The following KLKB1 variants were observed in gnomAD, a reference collection of about 807,000 sequenced individuals.
The protein encoded by KLKB1 is plasma kallikrein.
Under a neutral mutation model 73.6 loss-of-function variants are expected in KLKB1, and 58 were observed. The ratio of observed to expected loss-of-function variants is 0.79; its 90% confidence interval spans 0.64 to 0.98. The LOEUF (loss-of-function observed/expected upper bound fraction) is 0.98, where lower values mean the gene tolerates loss of function less well. KLKB1 is among the 50% of genes least tolerant of loss of function. The probability of loss-of-function intolerance (pLI) is 0.00; values close to 1 mark genes in which losing one functional copy is unlikely to be tolerated. For missense variants in KLKB1, 737 were observed against 763.8 expected (o/e 0.96, Z 0.41); for synonymous variants, 280 against 258.1 (o/e 1.08, Z -0.81).
intron 2 of KLKB1, among the ~76,000 whole-genome samples, chr4:186,231,242 T>C (rs1451309395): frequency 6.6e-6 from 1 of 152,252 alleles, no homozygotes; most frequent in Non-Finnish European, 1.5e-5. Flanking sequence ...GGAATAGCCA[T>C]GGTTAATGGT....
rs148923564 is a variant in KLKB1, at chr4:186,253,189, A to G, written c.1313+1004A>G. On this transcript the variant is annotated intron_variant, in intron 11 of 14. Transcript: ENST00000264690. ...TCAAAAAATGTAAACTGTGATTTCTATATTCAATAAGAAATGTAGAAATGG... is the reference window on the plus strand; with the variant it reads ...TCAAAAAATGTAAACTGTGATTTCTGTATTCAATAAGAAATGTAGAAATGG... 1.8e-3 allele frequency among the ~76,000 whole-genome samples: 278 copies of G among 152,384 alleles called. 1 individual carries two copies. The East Asian group carries it at 0.025, about 14-fold the overall frequency.
At chr4:186,254,486 G>A in intron 11 of KLKB1, 102 bp from the exon 12 acceptor site, 1 of 988,420 alleles carries the variant, frequency 1.0e-6, no homozygotes, top group Non-Finnish European at 1.6e-6. Context: ...TGTGTCCTAT[G>A]TATTTCCTTC....
At chr4:186,242,951 A>G (rs28881297) in intron 6 of KLKB1, among the ~76,000 whole-genome samples, 11,104 of 90,284 alleles carry the variant, frequency 0.12, 1,378 homozygotes, top group Non-Finnish European at 0.15. Context: ...ATAGAGATGG[A>G]AAGGCCAAAC....
In KLKB1 at chr4:186,238,479, C is replaced by T. The variant is rs1028984913; in HGVS notation, c.598+114C>T. The T allele has an allele frequency of 9.5e-5, 74 of 781,056 alleles. No homozygotes were observed. The Middle Eastern group carries it at 1.7e-3, about 18-fold the overall frequency. 48.4% of individuals were successfully genotyped at this position (781,056 alleles called of 1,614,324 possible). On this transcript the variant is annotated intron_variant, in intron 6 of 14. Transcript: ENST00000264690. ...CGTGTGTTCCCATAGCTGGCAAAAG[C>T]GTTTCTGTCAATGGCATGCAGTTAC... is the stretch of plus-strand genomic sequence containing the variant.
chr4:186,214,482 C>T (rs757922907), intron 2 of KLKB1, among the ~76,000 whole-genome samples: 6 of 152,182 alleles, frequency 3.9e-5, no homozygotes, highest in Non-Finnish European at 8.8e-5. Context: ...TTCAATAATT[C>T]TCTGTATTGG....
chr4:186,214,393 C>T (rs1736829181), intron 2 of KLKB1, among the ~76,000 whole-genome samples: 1 of 152,162 alleles, frequency 6.6e-6, no homozygotes, highest in Non-Finnish European at 1.5e-5. Flanking sequence ...TAGTGTGTGT[C>T]AGGTCAGCCG....
In KLKB1 at chr4:186,250,287, G is replaced by T. The variant is rs1447195890; in HGVS notation, c.643G>T (p.Asp215Tyr). 6.2e-7 allele frequency: 1 copy of T among 1,614,002 alleles called. No homozygotes were observed. The highest frequency in any genetic ancestry group is 2.2e-5 in the East Asian group (1 of 44,894). Residue 215 changes from aspartate (D) to tyrosine (Y), a missense_variant, in exon 7 of 15, where the codon GAT (aspartate) becomes TAT (tyrosine). Coordinates refer to ENST00000264690, the MANE Select transcript of KLKB1 (RefSeq NM_000892.5). Reference sequence around the variant, plus strand: ...CCAGCATCTTGCGTTCTCAGATGTGGATGTTGCCAGGGTTCTCACTCCAGA... The same window carrying T: ...CCAGCATCTTGCGTTCTCAGATGTGTATGTTGCCAGGGTTCTCACTCCAGA... ...IFQHLAFSDV[D>Y]VARVLTPDAF...
chr4:186,230,038 C>A (rs1737321544), intron 2 of KLKB1, among the ~76,000 whole-genome samples: 1 of 152,096 alleles, frequency 6.6e-6, no homozygotes, highest in African/African-American at 2.4e-5. Context: ...GTAATGGTAA[C>A]ACCAAGACTG....
At chr4:186,225,402 T>A (rs550687636), upstream of KLKB1, among the ~76,000 whole-genome samples, 1 of 150,916 alleles carries the variant, frequency 6.6e-6, no homozygotes, top group South Asian at 2.1e-4. Context: ...GAAAATTCTC[T>A]CTTTGTCATG....
At chr4:186,243,936 AAAG>A (rs1197222452) in intron 6 of KLKB1, among the ~76,000 whole-genome samples, 1 of 152,158 alleles carries the variant, frequency 6.6e-6, no homozygotes, top group Non-Finnish European at 1.5e-5. Context: ...AAGGAACAGG[AAAG>A]AAGGAAATAT....
intron 6 of KLKB1, among the ~76,000 whole-genome samples, chr4:186,244,829 C>T (rs868664242): frequency 1.1e-4 from 17 of 152,200 alleles, no homozygotes; most frequent in Admixed American, 2.6e-4. Flanking sequence ...AGGCTTTAAT[C>T]CTTTTAAAGC....
chr4:186,251,357 A>G (rs1242708591), intron 8 of KLKB1, 29 bp downstream of exon 8: 7 of 1,511,858 alleles, frequency 4.6e-6, no homozygotes, highest in Non-Finnish European at 6.4e-6. Flanking sequence ...AATATTACAT[A>G]AAATGTAACC....
chr4:186,227,292 T>C (rs1737200936), upstream of KLKB1: 2 of 152,204 alleles, frequency 1.3e-5, no homozygotes, highest in Admixed American at 1.3e-4. Flanking sequence ...TGGATACTTG[T>C]TCGAATTGAT....
At chr4:186,235,528 C>T (rs1242744458) in intron 4 of KLKB1, among the ~76,000 whole-genome samples, 24 of 152,130 alleles carry the variant, frequency 1.6e-4, no homozygotes. Context: ...GACTTCGTTT[C>T]CACAGTCTGC....
At chr4:186,213,629 A>G (rs1736800357) in intron 2 of KLKB1, among the ~76,000 whole-genome samples, 1 of 152,226 alleles carries the variant, frequency 6.6e-6, no homozygotes, top group Non-Finnish European at 1.5e-5. Flanking sequence ...GGAATCAGCA[A>G]AAACCACAGG....
At position 186,250,420 on chromosome 4, in the gene KLKB1, A is replaced by G; in HGVS notation, c.758+18A>G. 1 of 1,613,112 alleles carries G rather than the reference A, an allele frequency of 6.2e-7. No homozygotes were observed. Among genetic ancestry groups the G allele is most frequent in the South Asian group, 1.1e-5 (1 of 91,070 alleles). ...TCACAAAGGCGAGTATGCATGGAAA[A>G]TCGCATCACAAAGGCGAGTATGCAT... is the stretch of plus-strand genomic sequence containing the variant. On this transcript the variant is annotated intron_variant, in intron 7 of 14. Transcript: ENST00000264690.
At chr4:186,248,933 G>T (rs940987144) in intron 6 of KLKB1, among the ~76,000 whole-genome samples, 1 of 152,084 alleles carries the variant, frequency 6.6e-6, no homozygotes, top group Non-Finnish European at 1.5e-5. Context: ...ACAATGTTGT[G>T]TATCTTTTCG....
chr4:186,213,698 T>C (rs1320884935), intron 2 of KLKB1, among the ~76,000 whole-genome samples: 2 of 152,190 alleles, frequency 1.3e-5, no homozygotes, highest in South Asian at 2.1e-4. Flanking sequence ...GACTGTTGAT[T>C]TGGGGCTCTA....
Position 186,254,709 on chromosome 4 carries a change from G to A in KLKB1, c.1435G>A (p.Glu479Lys), listed in dbSNP as rs1325891525. 6.2e-7 allele frequency: 1 copy of A among 1,613,776 alleles called. No individual in the cohort carries two copies. Among genetic ancestry groups the A allele is most frequent in the Non-Finnish European group, 8.5e-7 (1 of 1,179,772 alleles). Residue 479 changes from glutamate to lysine, a missense_variant, in exon 12 of 15, where the codon GAA becomes AAA. Transcript: ENST00000264690. The part of the protein sequence containing the change: ...IIIHQNYKVS[E>K]GNHDIALIKL... ...TATTCACCAAAACTATAAAGTCTCA[G>A]AAGGGAATCATGATATCGCCTTGAT...
Sources: gnomAD v4.1 joint callset for allele counts (sites outside exome capture counted in the v4.1 genomes callset) on GRCh38, gnomAD v4.1.1 for gene constraint, MANE v1.5 for transcripts, NCBI Gene and HGNC (gene_info 2026-07-23, HGNC 2026-07-21) for gene names.